The following SBF2 variants were observed in gnomAD, a reference collection of about 807,000 sequenced individuals.
The protein encoded by SBF2 is SET binding factor 2.
A neutral mutation model predicts 225.2 loss-of-function variants in SBF2; 112 were observed. The ratio of observed to expected loss-of-function variants is 0.50; its 90% CI spans 0.43 to 0.58. The LOEUF (loss-of-function observed/expected upper bound fraction) is 0.58. Among genes scored for constraint, SBF2 ranks in the 20% least tolerant of loss-of-function variants. The pLI is 0.00. For synonymous variants in SBF2, 763 were observed against 773.3 expected, an observed-to-expected ratio of 0.99 and a Z score of 0.22; for missense variants, 1,996 against 2,206.2, an observed-to-expected ratio of 0.90 and a Z score of 1.91.
At chr11:10,207,656 A>AAAACTT (rs1267111878) in intron 1 of SBF2, among the ~76,000 whole-genome samples, 1 of 152,078 alleles carries the variant, frequency 6.6e-6, no homozygotes, top group Non-Finnish European at 1.5e-5. Flanking sequence ...TTTTCAACAC[A>AAAACTT]AAACTTAATC....
chr11:9,806,753 G>A (rs1278524711), intron 32 of SBF2, among the ~76,000 whole-genome samples: 1 of 152,164 alleles, frequency 6.6e-6, no homozygotes, highest in Non-Finnish European at 1.5e-5. Flanking sequence ...TGGGGTGAAA[G>A]GTTGGAAAGT....
At chr11:10,289,595 G>A (rs1182413910) in intron 1 of SBF2, among the ~76,000 whole-genome samples, 1 of 152,092 alleles carries the variant, frequency 6.6e-6, no homozygotes, top group Non-Finnish European at 1.5e-5. Context: ...CCTGGGCCCA[G>A]CCCTTGGGAG....
At chr11:10,238,287 C>A (rs7117478) in intron 1 of SBF2, among the ~76,000 whole-genome samples, 59,679 of 151,284 alleles carry the variant, frequency 0.39, 12,742 homozygotes, top group Non-Finnish European at 0.48. Context: ...CGCACACCGG[C>A]AATCCCAGCT....
intron 1 of SBF2, among the ~76,000 whole-genome samples, chr11:10,228,434 T>C (rs1958675441): frequency 6.6e-6 from 1 of 152,212 alleles, no homozygotes; most frequent in African/African-American, 2.4e-5. Flanking sequence ...TTTTTGCCCA[T>C]TCAGTATGAT....
At chr11:10,184,469 T>C (rs1193940818) in intron 2 of SBF2, among the ~76,000 whole-genome samples, 1 of 152,218 alleles carries the variant, frequency 6.6e-6, no homozygotes, top group African/African-American at 2.4e-5. Context: ...GTAAAATATA[T>C]ATAACACAAA....
chr11:9,977,116 C>A (rs776096492), intron 13 of SBF2, among the ~76,000 whole-genome samples: 5 of 152,206 alleles, frequency 3.3e-5, no homozygotes, highest in South Asian at 2.1e-4. Context: ...CTTGGCCTAT[C>A]TTTTTGTCTT....
chr11:10,147,859 T>C (rs1954962420), intron 2 of SBF2, among the ~76,000 whole-genome samples: 1 of 152,140 alleles, frequency 6.6e-6, no homozygotes, highest in Admixed American at 6.5e-5. Flanking sequence ...AAGTAAGTAA[T>C]TATGGTAAAA....
intron 23 of SBF2, among the ~76,000 whole-genome samples, 167 bp from the exon 24 acceptor site, chr11:9,845,907 A>G (rs1856510666): frequency 6.6e-6 from 1 of 152,250 alleles, no homozygotes; most frequent in Non-Finnish European, 1.5e-5. Context: ...AAAGGCTCAA[A>G]AAGGTTTACT....
intron 2 of SBF2, among the ~76,000 whole-genome samples, chr11:10,098,136 G>GC (rs1952110982): frequency 6.6e-6 from 1 of 152,034 alleles, no homozygotes; most frequent in Admixed American, 6.5e-5. Context: ...CCTGTACATG[G>GC]CACCCTATAT....
At chr11:9,829,320 G>A (rs570224322) in intron 28 of SBF2, 36 bp downstream of exon 28, 1 of 1,608,420 alleles carries the variant, frequency 6.2e-7, no homozygotes, top group East Asian at 2.2e-5. Flanking sequence ...CCTTTCATTA[G>A]AAGCTGTCAA....
intron 16 of SBF2, among the ~76,000 whole-genome samples, chr11:9,920,522 T>C (rs939277303): frequency 2.0e-5 from 3 of 152,292 alleles, no homozygotes; most frequent in East Asian, 1.9e-4. Context: ...TCAGAACATA[T>C]ACTTAAAGGA....
At chr11:10,029,506 G>A (rs1477722862) in intron 5 of SBF2, among the ~76,000 whole-genome samples, 1 of 152,124 alleles carries the variant, frequency 6.6e-6, no homozygotes, top group Non-Finnish European at 1.5e-5. Context: ...TGCAGTTCAA[G>A]TTACACAAAA....
intron 1 of SBF2, among the ~76,000 whole-genome samples, chr11:10,221,400 G>A (rs1220495913): frequency 6.6e-6 from 1 of 152,180 alleles, no homozygotes; most frequent in Non-Finnish European, 1.5e-5. Flanking sequence ...TTACAGGCAT[G>A]AGCCACTGTG....
intron 28 of SBF2, among the ~76,000 whole-genome samples, chr11:9,826,978 C>T (rs974137887): frequency 6.6e-6 from 1 of 152,030 alleles, no homozygotes; most frequent in African/African-American, 2.4e-5. Context: ...GCTGAGACTA[C>T]AGGTGTGCAC....
intron 16 of SBF2, among the ~76,000 whole-genome samples, chr11:9,922,200 C>T (rs550667927): frequency 2.0e-5 from 3 of 151,754 alleles, no homozygotes; most frequent in Non-Finnish European, 2.9e-5. Flanking sequence ...CAGTGAGCCA[C>T]GATCATGACA....
chr11:9,861,745 C>A (rs1483870866), intron 17 of SBF2, among the ~76,000 whole-genome samples: 1 of 151,904 alleles, frequency 6.6e-6, no homozygotes, highest in African/African-American at 2.4e-5. Flanking sequence ...TGGCCTCAAG[C>A]AATCCCCCCA....
chr11:10,248,265 A>C (rs897324732), intron 1 of SBF2, among the ~76,000 whole-genome samples: 2 of 152,246 alleles, frequency 1.3e-5, no homozygotes, highest in East Asian at 3.8e-4. Context: ...AGGGATGTTT[A>C]GGACAAGTCA....
At chr11:9,895,372 C>T (rs779563491) in intron 17 of SBF2, among the ~76,000 whole-genome samples, 3 of 152,030 alleles carry the variant, frequency 2.0e-5, no homozygotes, top group Non-Finnish European at 4.4e-5. Context: ...AAGTCCTTCA[C>T]GGGAAAAGAA....
At chr11:10,223,690 G>C (rs561281770) in intron 1 of SBF2, among the ~76,000 whole-genome samples, 9 of 151,900 alleles carry the variant, frequency 5.9e-5, no homozygotes, top group African/African-American at 2.2e-4. Context: ...AACACTTCCA[G>C]CATCGCTAGT....
Sources: allele counts gnomAD v4.1 joint callset (sites outside exome capture counted in the v4.1 genomes callset), GRCh38; gene constraint gnomAD v4.1.1; transcripts MANE v1.5; gene names NCBI Gene and HGNC (gene_info 2026-07-23, HGNC 2026-07-21).